ATR: variants seen among roughly 807,000 people sequenced by gnomAD.
ATR encodes the protein ATR checkpoint kinase, also known as serine/threonine-protein kinase ATR.
Under a neutral mutation model 305.3 loss-of-function variants are expected in ATR, and 142 were observed. That is an observed-to-expected ratio of 0.47 (90% CI 0.41 to 0.53). The LOEUF (loss-of-function observed/expected upper bound fraction) is 0.53, where lower values mean the gene tolerates loss of function less well. ATR is among the 20% of genes least tolerant of loss of function. ATR has a pLI of 0.00. For missense variants in ATR, 2,135 were observed against 3,133.1 expected (o/e 0.68, Z 7.60); for synonymous variants, 1,050 against 1,068.1 (o/e 0.98, Z 0.33).
intron 35 of ATR, among the ~76,000 whole-genome samples, chr3:142,485,504 A>G (rs945494496): frequency 3.9e-5 from 6 of 152,188 alleles, no homozygotes; most frequent in African/African-American, 1.4e-4. Context: ...ACTGCCCAAC[A>G]TGAAATAGTG....
At chr3:142,545,669 GA>G (rs1299576704) in intron 16 of ATR, among the ~76,000 whole-genome samples, 2 of 152,152 alleles carry the variant, frequency 1.3e-5, no homozygotes, top group African/African-American at 4.8e-5. Context: ...ACCATTAGGA[GA>G]TGTTCACAGC....
chr3:142,496,933 G>A (rs2031681176), intron 33 of ATR, 80 bp downstream of exon 33: 3 of 1,463,090 alleles, frequency 2.1e-6, no homozygotes, highest in Non-Finnish European at 2.8e-6. Flanking sequence ...AGAAAATTAA[G>A]AAATACAAAC....
chr3:142,540,776 C>A (rs1475037775), intron 18 of ATR, 128 bp downstream of exon 18: 1 of 1,174,480 alleles, frequency 8.5e-7, no homozygotes, highest in Admixed American at 2.6e-5. Flanking sequence ...ATTTTAAATA[C>A]AAATAAATAG....
intron 36 of ATR, among the ~76,000 whole-genome samples, chr3:142,476,289 T>C (rs534627549): frequency 6.6e-6 from 1 of 152,216 alleles, no homozygotes; most frequent in Admixed American, 6.5e-5. Context: ...TAAGGAAGGA[T>C]CCAGTTTCAG....
chr3:142,528,307 TCTC>T (rs1276829843), intron 21 of ATR, among the ~76,000 whole-genome samples: 4 of 152,226 alleles, frequency 2.6e-5, no homozygotes, highest in African/African-American at 9.6e-5. Flanking sequence ...AACATGGTAG[TCTC>T]CTCTGATTGA....
chr3:142,458,957 C>G lies in ATR; in HGVS notation c.7503+1G>C, dbSNP rs2108259799. The G allele has an allele frequency of 6.2e-7, 1 of 1,613,464 alleles. No individual in the cohort carries two copies. The highest frequency in any genetic ancestry group is 1.3e-5 in the African/African-American group (1 of 75,004). On this transcript the variant is annotated splice_donor_variant, in intron 44 of 46. Transcript: ENST00000350721. LOFTEE classifies it high-confidence loss of function. ...TAGTAAGAGTAACTCATATCACATA[C>G]CTTATTGAAAAGACAATTGAAATCT...
intron 1 of ATR, among the ~76,000 whole-genome samples, chr3:142,570,762 T>C (rs2035233888): frequency 2.0e-5 from 3 of 152,224 alleles, no homozygotes; most frequent in African/African-American, 7.2e-5. Flanking sequence ...TTTGGACTTT[T>C]AAAATTTTCC....
intron 27 of ATR, among the ~76,000 whole-genome samples, chr3:142,510,965 G>C (rs1480489995): frequency 1.3e-5 from 2 of 152,164 alleles, no homozygotes; most frequent in African/African-American, 4.8e-5. Context: ...GAAAAAAACA[G>C]TGCAAGGTAA....
intron 36 of ATR, 37 bp from the exon 37 acceptor site, chr3:142,470,220 C>G (rs1301490606): frequency 6.8e-7 from 1 of 1,467,276 alleles, no homozygotes; most frequent in Non-Finnish European, 9.5e-7. Context: ...ATTAGCATAG[C>G]TGTCATTTTT....
intron 28 of ATR, among the ~76,000 whole-genome samples, chr3:142,506,787 T>A (rs2108359262): frequency 6.6e-6 from 1 of 152,324 alleles, no homozygotes; most frequent in Admixed American, 6.5e-5. Flanking sequence ...GAAGCAAGAT[T>A]GTCAGCTGGA....
intron 36 of ATR, among the ~76,000 whole-genome samples, chr3:142,476,701 C>T (rs1272052801): frequency 1.3e-5 from 2 of 152,082 alleles, no homozygotes; most frequent in East Asian, 1.9e-4. Context: ...GCCATTTTCA[C>T]GATATTGATT....
intron 36 of ATR, among the ~76,000 whole-genome samples, chr3:142,475,386 T>C (rs948365228): frequency 1.3e-5 from 2 of 152,186 alleles, no homozygotes; most frequent in African/African-American, 4.8e-5. Flanking sequence ...CTGAGAATGA[T>C]GGTTTCCAGC....
chr3:142,566,916 G>T (rs1200985468), intron 2 of ATR, among the ~76,000 whole-genome samples: 1 of 151,950 alleles, frequency 6.6e-6, no homozygotes, highest in African/African-American at 2.4e-5. Context: ...GCTAATTTTG[G>T]TATTTTTAGT....
In ATR at chr3:142,513,526, CCCAGTAAGACATACA is replaced by C. The variant is rs2032698151; in HGVS notation, c.4601_4615del (p.Val1534_Leu1538del). 3.1e-6 allele frequency: 5 copies of C among 1,613,506 alleles called. No individual in the cohort carries two copies. Among genetic ancestry groups the C allele is most frequent in the Non-Finnish European group, 4.2e-6 (5 of 1,179,638 alleles). ...CTCCTGCTGATCTTCTTGATTACAA[CCCAGTAAGACATACA>C]CCAGAATATGTGGAAGAAGATAGAT... On this transcript the variant is annotated inframe_deletion, in exon 26 of 47. Coordinates refer to ENST00000350721, the MANE Select transcript of ATR (RefSeq NM_001184.4).
chr3:142,558,773 T>C lies in ATR; in HGVS notation c.1736A>G (p.Asn579Ser), dbSNP rs1354375178. 1.9e-6 allele frequency: 3 copies of C among 1,606,498 alleles called. No homozygotes were observed. The highest frequency in any genetic ancestry group is 2.6e-6 in the Non-Finnish European group (3 of 1,174,794). The change falls in exon 8 of 47, where the codon AAC becomes AGC. Residue 579 changes from asparagine (N) to serine (S), a missense_variant. Physicochemically the swap from Asn to Ser is conservative, Grantham distance 46. Coordinates refer to ENST00000350721, the MANE Select transcript of ATR (RefSeq NM_001184.4). ...IYDALIYMQV[N>S]SSFEDHILED... is the part of the protein sequence containing the mutation. ...CAGGATATGATCTTCAAATGAACTG[T>C]TTACTACAGAAGCACAAAATAAGTC...
At chr3:142,507,885 G>T in intron 28 of ATR, 46 bp downstream of exon 28, 1 of 1,492,680 alleles carries the variant, frequency 6.7e-7, no homozygotes, top group South Asian at 1.1e-5. Flanking sequence ...ATAAAAGACT[G>T]GCCACATTAA....
chr3:142,578,465 G>A (rs2035511584), intron 1 of ATR, among the ~76,000 whole-genome samples, 181 bp downstream of exon 1: 1 of 152,212 alleles, frequency 6.6e-6, no homozygotes. Flanking sequence ...ACTGCCCCAT[G>A]TGCTATCAAC....
intron 23 of ATR, 68 bp downstream of exon 23, chr3:142,522,660 A>G: frequency 2.3e-6 from 3 of 1,297,302 alleles, no homozygotes; most frequent in Non-Finnish European, 2.2e-6. Context: ...TTTCACAAGT[A>G]TAGAATTTAC....
chr3:142,537,350 T>C (rs759213729), intron 19 of ATR, among the ~76,000 whole-genome samples: 8 of 152,124 alleles, frequency 5.3e-5, no homozygotes, highest in Non-Finnish European at 1.0e-4. Context: ...CCCAAAGTAT[T>C]GGTATTGTTG....
Sources: gnomAD v4.1 joint callset for allele counts (sites outside exome capture counted in the v4.1 genomes callset) on GRCh38, gnomAD v4.1.1 for gene constraint, MANE v1.5 for transcripts, NCBI Gene and HGNC (gene_info 2026-07-23, HGNC 2026-07-21) for gene names.